The following TNR variants were observed in gnomAD, a reference collection of about 807,000 sequenced individuals.
TNR encodes tenascin R.
Under a neutral mutation model 150.4 loss-of-function variants are expected in TNR, and 45 were observed. The observed-to-expected ratio is 0.30, with a 90% CI of 0.24 to 0.38. TNR has a LOEUF of 0.38. TNR is among the 10% of genes least tolerant of loss of function. TNR has a pLI of 1.00. For missense variants in TNR, 1,544 were observed against 1,759.1 expected (o/e 0.88, Z 2.19); for synonymous variants, 687 against 678.4 (o/e 1.01, Z -0.20).
intron 1 of TNR, among the ~76,000 whole-genome samples, chr1:175,723,068 G>T (rs1667361595): frequency 6.6e-6 from 1 of 152,180 alleles, no homozygotes; most frequent in Non-Finnish European, 1.5e-5. Flanking sequence ...GGGACTACAG[G>T]CATGAGTCAC....
intron 2 of TNR, among the ~76,000 whole-genome samples, chr1:175,427,886 TTCGCTTCCTTCC>T (rs1262598242): frequency 1.2e-5 from 1 of 82,112 alleles, no homozygotes; most frequent in African/African-American, 5.7e-5. Flanking sequence ...CCCTCCCTTC[TTCGCTTCCTTCC>T]TTCCTTCCTT....
chr1:175,636,895 C>T lies in TNR; in HGVS notation c.-165+106331G>A, dbSNP rs578056995. Among the ~76,000 whole-genome samples, 22 of 152,318 alleles carry T rather than the reference C, an allele frequency of 1.4e-4. No homozygotes were observed. In the South Asian group the frequency reaches 4.1e-3, roughly 29 times the overall value. On this transcript the variant is annotated intron_variant, in intron 1 of 22. Coordinates refer to ENST00000367674, the MANE Select transcript of TNR (RefSeq NM_003285.3). The stretch of plus-strand genomic sequence containing the variant: ...ACTATTCAATAATGAGTTCCCTTTG[C>T]GACCTCCATAACTAACATGCATTAG...
At chr1:175,607,609 C>G (rs190691661) in intron 1 of TNR, among the ~76,000 whole-genome samples, 6 of 152,174 alleles carry the variant, frequency 3.9e-5, no homozygotes, top group Admixed American at 1.3e-4. Flanking sequence ...TCTGATGAAT[C>G]CTTTCTGCAC....
intron 2 of TNR, among the ~76,000 whole-genome samples, chr1:175,480,412 G>GAGAAA (rs1657739753): frequency 4.1e-5 from 4 of 97,726 alleles, no homozygotes; most frequent in Admixed American, 1.4e-4. Context: ...AAAAAAGAAA[G>GAGAAA]AAAGAAAAAA....
At chr1:175,413,170 C>A (rs1054132932) in intron 2 of TNR, among the ~76,000 whole-genome samples, 1 of 152,168 alleles carries the variant, frequency 6.6e-6, no homozygotes, top group African/African-American at 2.4e-5. Flanking sequence ...GGATTATAGG[C>A]GTGTGCCACC....
At chr1:175,399,070 T>C (rs567871837) in intron 4 of TNR, among the ~76,000 whole-genome samples, 1 of 152,368 alleles carries the variant, frequency 6.6e-6, no homozygotes, top group Non-Finnish European at 1.5e-5. Context: ...CTTTCATTTA[T>C]ACATGGTGTC....
intron 1 of TNR, among the ~76,000 whole-genome samples, chr1:175,672,243 C>G (rs1665726333): frequency 6.6e-6 from 1 of 152,126 alleles, no homozygotes; most frequent in Admixed American, 6.5e-5. Context: ...AATGTCCCAT[C>G]CCTGCCCTGC....
chr1:175,742,997 C>CT (rs1667973154), intron 1 of TNR, among the ~76,000 whole-genome samples: 1 of 151,890 alleles, frequency 6.6e-6, no homozygotes, highest in Non-Finnish European at 1.5e-5. Flanking sequence ...CACACACACC[C>CT]GCAAGGCCAG....
At chr1:175,735,030 A>C (rs1419581324) in intron 1 of TNR, among the ~76,000 whole-genome samples, 1 of 152,204 alleles carries the variant, frequency 6.6e-6, no homozygotes, top group Non-Finnish European at 1.5e-5. Flanking sequence ...TTTGAATGGG[A>C]GGCTTTACAG....
At chr1:175,323,721 C>G (rs1277577956) in intron 22 of TNR, among the ~76,000 whole-genome samples, 2 of 152,152 alleles carry the variant, frequency 1.3e-5, no homozygotes, top group Non-Finnish European at 2.9e-5. Context: ...TCCTTATTGC[C>G]AGCTTTGTTT....
intron 1 of TNR, among the ~76,000 whole-genome samples, chr1:175,712,441 G>T (rs1034495848): frequency 1.3e-5 from 2 of 152,102 alleles, no homozygotes; most frequent in South Asian, 4.2e-4. Flanking sequence ...GACATAAGAC[G>T]AACTCAGGCT....
At position 175,345,753 on chromosome 1, in the gene TNR, G is replaced by A. The variant is rs553100420; in HGVS notation, c.3383-8074C>T. Among the ~76,000 whole-genome samples, 7 of 151,902 alleles carry A rather than the reference G, an allele frequency of 4.6e-5. No homozygotes were observed. In the South Asian group the frequency reaches 1.2e-3, roughly 27 times the overall value. On this transcript the variant is annotated intron_variant, in intron 18 of 22. Transcript: ENST00000367674. ...AAGTCCTGAAAAGAAAAATAAAAGA[G>A]GAGAAAGTGCTTAAATAAAAATAAA...
Position 175,391,324 on chromosome 1 carries a change from C to T in TNR, c.1471G>A (p.Ala491Thr), listed in dbSNP as rs771624358. The stretch of plus-strand genomic sequence containing the variant: ...CTGGCCGAGGTAGGGGGGCTGCGGG[C>T]CTGTTCTTTCAGAGCCACCACATTG... ...IVNVVALKEQ[A>T]RSPPTSASVS... is the part of the protein sequence containing the mutation. Residue 491 changes from alanine (A) to threonine (T), a missense_variant, in exon 7 of 23, where the codon GCC becomes ACC. Physicochemically the swap from Ala to Thr is moderately conservative, Grantham distance 58. Coordinates refer to ENST00000367674, the MANE Select transcript of TNR (RefSeq NM_003285.3). The T allele has an allele frequency of 7.4e-6, 12 of 1,614,002 alleles. No homozygotes were observed. The East Asian group carries it at 1.3e-4, about 18-fold the overall frequency.
At chr1:175,729,450 G>A (rs1473848779) in intron 1 of TNR, among the ~76,000 whole-genome samples, 2 of 151,658 alleles carry the variant, frequency 1.3e-5, no homozygotes, top group Non-Finnish European at 2.9e-5. Context: ...CCCCTTTCAA[G>A]ACAGGGTCTT....
At chr1:175,447,063 G>A (rs1471172247) in intron 2 of TNR, among the ~76,000 whole-genome samples, 3 of 152,226 alleles carry the variant, frequency 2.0e-5, no homozygotes, top group African/African-American at 7.2e-5. Context: ...GTATGTGCAT[G>A]TGTGTACGCA....
chr1:175,579,626 G>A (rs1407583941), intron 1 of TNR, among the ~76,000 whole-genome samples: 2 of 151,146 alleles, frequency 1.3e-5, no homozygotes, highest in Admixed American at 6.6e-5. Flanking sequence ...TCTAGTATCA[G>A]TTATAACCCA....
At chr1:175,741,544 C>T (rs1336570503) in intron 1 of TNR, among the ~76,000 whole-genome samples, 2 of 152,164 alleles carry the variant, frequency 1.3e-5, no homozygotes, top group African/African-American at 4.8e-5. Flanking sequence ...CTGAATGAGT[C>T]AGTGTTGGTT....
chr1:175,372,552 C>A (rs139196746), intron 9 of TNR, among the ~76,000 whole-genome samples: 83 of 152,306 alleles, frequency 5.4e-4, no homozygotes, highest in South Asian at 1.0e-3. Flanking sequence ...TAGAAAGGAA[C>A]AGGAGTTAGC....
At chr1:175,351,581 G>A (rs1350846672) in intron 18 of TNR, among the ~76,000 whole-genome samples, 1 of 152,128 alleles carries the variant, frequency 6.6e-6, no homozygotes, top group Non-Finnish European at 1.5e-5. Context: ...TTTAACCAGT[G>A]TCTATTATGT....
Sources: allele counts gnomAD v4.1 joint callset (sites outside exome capture counted in the v4.1 genomes callset), GRCh38; gene constraint gnomAD v4.1.1; transcripts MANE v1.5; gene names NCBI Gene and HGNC (gene_info 2026-07-23, HGNC 2026-07-21).